The following TIAM1 variants were observed in gnomAD, a reference collection of about 807,000 sequenced individuals.
The protein encoded by TIAM1 is rho guanine nucleotide exchange factor TIAM1.
TIAM1 carries 65 observed loss-of-function variants against 163.5 expected under a neutral mutation model. The observed-to-expected ratio is 0.40, with a 90% CI of 0.33 to 0.49. The LOEUF (loss-of-function observed/expected upper bound fraction) is 0.49. Among genes scored for constraint, TIAM1 ranks in the 20% least tolerant of loss-of-function variants. The pLI, the probability that TIAM1 is intolerant of heterozygous loss-of-function variation, is 0.77. For synonymous variants in TIAM1, 833 were observed against 810.1 expected, an observed-to-expected ratio of 1.03 and a Z score of -0.48; for missense variants, 1,789 against 2,044.7, an observed-to-expected ratio of 0.87 and a Z score of 2.41.
upstream of TIAM1, chr21:31,559,011 T>C (rs1009195683): frequency 1.3e-5 from 2 of 151,600 alleles, no homozygotes; most frequent in Non-Finnish European, 2.9e-5. Flanking sequence ...CGCCAAGGCG[T>C]CCGCGGAGCT....
At chr21:31,172,391 G>C (rs138156538) in intron 15 of TIAM1, among the ~76,000 whole-genome samples, 1 of 152,066 alleles carries the variant, frequency 6.6e-6, no homozygotes, top group Non-Finnish European at 1.5e-5. Context: ...GTAGGTGAGC[G>C]GCTTTCCCCT....
chr21:31,227,124 GT>G, intron 6 of TIAM1, among the ~76,000 whole-genome samples: 1 of 151,588 alleles, frequency 6.6e-6, no homozygotes, highest in South Asian at 2.1e-4. Flanking sequence ...GCCCGGCTAA[GT>G]TTTATATTTT....
intron 2 of TIAM1, among the ~76,000 whole-genome samples, chr21:31,451,066 G>GAA (rs75384560): frequency 0.032 from 4,435 of 140,450 alleles, 238 homozygotes; most frequent in African/African-American, 0.11. Flanking sequence ...ATTCTCAGAG[G>GAA]AAAAAAAAAA....
chr21:31,157,258 A>G (rs2083666306), intron 16 of TIAM1, among the ~76,000 whole-genome samples: 1 of 152,222 alleles, frequency 6.6e-6, no homozygotes, highest in South Asian at 2.1e-4. Flanking sequence ...CTATTTACCC[A>G]GCTTTTGGTG....
chr21:31,511,157 GAAC>G (rs2047198935), intron 1 of TIAM1, among the ~76,000 whole-genome samples: 3 of 152,028 alleles, frequency 2.0e-5, no homozygotes, highest in South Asian at 2.1e-4. Flanking sequence ...GTGCCCTGCA[GAAC>G]AACGAGAGAA....
intron 1 of TIAM1, among the ~76,000 whole-genome samples, chr21:31,480,529 A>G (rs2046076887): frequency 6.6e-6 from 1 of 152,226 alleles, no homozygotes; most frequent in African/African-American, 2.4e-5. Context: ...ACAGAAGACT[A>G]GAAATAGCAC....
intron 2 of TIAM1, among the ~76,000 whole-genome samples, chr21:31,291,581 T>C (rs577525420): frequency 1.0e-3 from 154 of 152,362 alleles, no homozygotes; most frequent in African/African-American, 3.5e-3. Flanking sequence ...GACAACACAA[T>C]GGCGTGATCT....
chr21:31,187,314 AC>A (rs1386915626), intron 13 of TIAM1, among the ~76,000 whole-genome samples: 1 of 152,166 alleles, frequency 6.6e-6, no homozygotes, highest in Non-Finnish European at 1.5e-5. Flanking sequence ...CATATTACCT[AC>A]CAATCAACTC....
At position 31,432,091 on chromosome 21, in the gene TIAM1, C is replaced by CTTTTTTTTTTT. The variant is rs11291911; in HGVS notation, c.-369+31881_-369+31891dup. 2.3e-4 allele frequency among the ~76,000 whole-genome samples: 22 copies of CTTTTTTTTTTT among 93,662 alleles called. 1 individual carries two copies. The highest frequency in any genetic ancestry group is 8.3e-4 in the African/African-American group (18 of 21,778). The allele number at this position is 93,662 out of a possible 152,430, so 61.4% of individuals were successfully genotyped here. A position where few individuals can be genotyped will look rare whatever the true frequency, so the allele number is the denominator to read the frequency against. On this transcript the variant is annotated intron_variant, in intron 2 of 28. Transcript: ENST00000286827. Reference sequence around the variant, plus strand: ...TGAACATGTCAAAAATCTAAGATTCCTTTTTTTTTTTTTTTTTTTTTTTTT... The same window carrying CTTTTTTTTTTT: ...TGAACATGTCAAAAATCTAAGATTCCTTTTTTTTTTTTTTTTTTTTTTTTTTTTTTTTTTTT...
intron 2 of TIAM1, among the ~76,000 whole-genome samples, chr21:31,305,180 TA>T (rs1403601391): frequency 6.6e-6 from 1 of 152,224 alleles, no homozygotes; most frequent in African/African-American, 2.4e-5. Context: ...CTCACTCCAC[TA>T]AAATGCTGAC....
At chr21:31,403,215 T>C (rs1195053008) in intron 2 of TIAM1, among the ~76,000 whole-genome samples, 1 of 152,184 alleles carries the variant, frequency 6.6e-6, no homozygotes, top group African/African-American at 2.4e-5. Flanking sequence ...TGGCACAGTC[T>C]TGGCTCACTG....
intron 1 of TIAM1, among the ~76,000 whole-genome samples, chr21:31,506,209 C>T (rs2047020832): frequency 6.6e-6 from 1 of 151,478 alleles, no homozygotes; most frequent in South Asian, 2.1e-4. Context: ...ATTTCCATCT[C>T]TCTTCCCATC....
Position 31,531,339 on chromosome 21 carries a change from C to A in TIAM1, c.-422+27588G>T, listed in dbSNP as rs1040658803. On this transcript the variant is annotated intron_variant, in intron 1 of 28. Coordinates refer to the TIAM1 transcript ENST00000286827. ...GTCCAAGGCAGGTCTATGCTGTGAG[C>A]CAGCCACCGGTGCCACACAAGGGCC... Among the ~76,000 whole-genome samples, 12 of 152,156 alleles carry A rather than the reference C, an allele frequency of 7.9e-5. No individual in the cohort carries two copies. The South Asian group carries it at 1.0e-3, about 13-fold the overall frequency.
chr21:31,291,111 G>A (rs2074003105), intron 2 of TIAM1, among the ~76,000 whole-genome samples: 2 of 152,130 alleles, frequency 1.3e-5, no homozygotes, highest in Non-Finnish European at 2.9e-5. Flanking sequence ...ACAATACTGT[G>A]TATTGTGATT....
Position 31,459,216 on chromosome 21 carries a change from A to T in TIAM1, c.-369+4767T>A, listed in dbSNP as rs115890625. On this transcript the variant is annotated intron_variant, in intron 2 of 28. Transcript: ENST00000286827. ...GGCCTCAACCTCCCAGGCTCACACG[A>T]TCCTCCCACCTCAGCCTCCTGAGTA... Among the ~76,000 whole-genome samples the T allele has an allele frequency of 4.1e-3, 618 of 152,188 alleles. 5 individuals carry two copies. The highest frequency in any genetic ancestry group is 0.014 in the African/African-American group (578 of 41,532).
chr21:31,477,209 T>G (rs757744610), intron 1 of TIAM1, among the ~76,000 whole-genome samples: 3 of 152,188 alleles, frequency 2.0e-5, no homozygotes, highest in Non-Finnish European at 2.9e-5. Context: ...GTCTGTGAAA[T>G]AGAAGAACTA....
chr21:31,177,405 G>A (rs541971498), intron 15 of TIAM1, among the ~76,000 whole-genome samples: 9 of 152,268 alleles, frequency 5.9e-5, no homozygotes, highest in Admixed American at 1.3e-4. Context: ...CCAGGAGTTC[G>A]AGACCAGCCT....
At chr21:31,236,887 T>G (rs895056853) in intron 6 of TIAM1, among the ~76,000 whole-genome samples, 1 of 152,096 alleles carries the variant, frequency 6.6e-6, no homozygotes, top group Admixed American at 6.6e-5. Context: ...TTGGGAACCT[T>G]AGGCAGGGTT....
In TIAM1 at chr21:31,266,492, C is replaced by G. The variant is rs2072777618; in HGVS notation, c.481G>C (p.Glu161Gln). The G allele has an allele frequency of 1.2e-6, 2 of 1,614,062 alleles. No homozygotes were observed. The highest frequency in any genetic ancestry group is 1.1e-5 in the South Asian group (1 of 91,088). ...CGTTTCTTCTTAAAGCTCGCCGTCTCCATGAAAGTGGGCCCATTGGATGTA... is the reference window on the plus strand; with the variant it reads ...CGTTTCTTCTTAAAGCTCGCCGTCTGCATGAAAGTGGGCCCATTGGATGTA... ...SYTSNGPTFM[E>Q]TASFKKKRSK... Residue 161 changes from glutamate (E) to glutamine (Q), a missense_variant, in exon 4 of 28, where the codon GAG becomes CAG. This residue lies in a region of TIAM1 where 555 missense variants were observed against 564.9 expected (regional missense o/e 0.98). Transcript: ENST00000541036.
Sources: allele counts gnomAD v4.1 joint callset (sites outside exome capture counted in the v4.1 genomes callset), GRCh38; gene constraint gnomAD v4.1.1; regional missense constraint gnomAD v4.1.1; transcripts MANE v1.5; gene names NCBI Gene and HGNC (gene_info 2026-07-23, HGNC 2026-07-21).